PLAC1: variants seen among roughly 807,000 people sequenced by gnomAD.
PLAC1 encodes the protein placenta-specific protein 1.
For synonymous variants in PLAC1, 68 were observed against 62.1 expected, an observed-to-expected ratio of 1.09 and a Z score of -0.44; for missense variants, 136 against 163.2, an observed-to-expected ratio of 0.83 and a Z score of 0.91.
chrX:134,657,536 A>T (rs948620752), intron 1 of PLAC1, among the ~76,000 whole-genome samples: 5 of 112,394 alleles, frequency 4.4e-5, no homozygotes, highest in Non-Finnish European at 9.4e-5. Context: ...AGTAACAGTG[A>T]TCAGTATATT....
chrX:134,693,044 C>G (rs769723573), intron 2 of PLAC1, among the ~76,000 whole-genome samples: 3 of 112,023 alleles, frequency 2.7e-5, no homozygotes, highest in South Asian at 7.5e-4. Context: ...TCAAACAATT[C>G]TTCACTGCTT....
At chrX:134,620,674 C>T (rs1174894296) in intron 1 of PLAC1, among the ~76,000 whole-genome samples, 1 of 111,870 alleles carries the variant, frequency 8.9e-6, no homozygotes, top group East Asian at 2.8e-4. Context: ...CCTTACCCTG[C>T]CTATCTCACA....
At chrX:134,712,299 T>C (rs1181158236) in intron 2 of PLAC1, among the ~76,000 whole-genome samples, 3 of 111,319 alleles carry the variant, frequency 2.7e-5, no homozygotes, top group Non-Finnish European at 5.7e-5. Flanking sequence ...AAATAGCATA[T>C]CAAATCCATT....
chrX:134,604,999 C>T (rs887256978), intron 1 of PLAC1, among the ~76,000 whole-genome samples: 4 of 111,290 alleles, frequency 3.6e-5, no homozygotes, highest in Non-Finnish European at 5.7e-5. Flanking sequence ...CCTGCACCCC[C>T]CATTGGTGCT....
chrX:134,648,392 A>G (rs758952224), intron 1 of PLAC1, among the ~76,000 whole-genome samples: 7 of 112,484 alleles, frequency 6.2e-5, no homozygotes, highest in African/African-American at 2.3e-4. Flanking sequence ...TTTTAAAAAA[A>G]CATTTAAAAA....
intron 1 of PLAC1, among the ~76,000 whole-genome samples, chrX:134,632,122 C>T (rs183843827): frequency 7.2e-5 from 8 of 111,782 alleles, no homozygotes; most frequent in Admixed American, 1.9e-4. Context: ...GACAGCCAAA[C>T]GGTGGTTCAT....
intron 2 of PLAC1, among the ~76,000 whole-genome samples, chrX:134,586,193 T>A (rs756808556): frequency 2.7e-5 from 3 of 111,453 alleles, no homozygotes; most frequent in Admixed American, 9.5e-5. Flanking sequence ...ACAACTGGCA[T>A]TTTCCTGCCC....
chrX:134,589,548 G>A (rs2078024068), intron 2 of PLAC1, among the ~76,000 whole-genome samples: 1 of 109,808 alleles, frequency 9.1e-6, no homozygotes, highest in Non-Finnish European at 1.9e-5. Flanking sequence ...CCAACATGGT[G>A]AAACCCCATC....
intron 1 of PLAC1, among the ~76,000 whole-genome samples, chrX:134,620,189 A>G (rs2078204155): frequency 8.9e-6 from 1 of 112,618 alleles, no homozygotes; most frequent in Admixed American, 9.3e-5. Flanking sequence ...GGGACAAACT[A>G]AGTAGATACT....
At chrX:134,734,937 G>T (rs1038410924) in intron 1 of PLAC1, among the ~76,000 whole-genome samples, 1 of 111,058 alleles carries the variant, frequency 9.0e-6, no homozygotes. Context: ...AGACTCAGAT[G>T]GGGGGTGGTG....
At chrX:134,619,277 CAT>C (rs1441621909) in intron 1 of PLAC1, among the ~76,000 whole-genome samples, 2 of 112,317 alleles carry the variant, frequency 1.8e-5, no homozygotes, top group Non-Finnish European at 3.8e-5. Context: ...CAATTCTGCA[CAT>C]AGTTTCAGAA....
At chrX:134,742,982 G>T (rs2078720683) in intron 1 of PLAC1, among the ~76,000 whole-genome samples, 1 of 112,157 alleles carries the variant, frequency 8.9e-6, no homozygotes, top group African/African-American at 3.2e-5. Context: ...AAATAAAAAT[G>T]AAGACAGAAG....
chrX:134,735,437 A>AG (rs1323371968), intron 1 of PLAC1, among the ~76,000 whole-genome samples: 2 of 111,519 alleles, frequency 1.8e-5, no homozygotes, highest in Admixed American at 1.9e-4. Flanking sequence ...GTTAAAAAAA[A>AG]AAAGAAAGAA....
chrX:134,615,649 T>C (rs779672512), intron 1 of PLAC1, among the ~76,000 whole-genome samples: 1 of 112,256 alleles, frequency 8.9e-6, no homozygotes, highest in Admixed American at 9.5e-5. Flanking sequence ...ATCTGAAATA[T>C]CATTGCCAAA....
chrX:134,695,458 G>A (rs1472966025), intron 2 of PLAC1, among the ~76,000 whole-genome samples: 1 of 112,143 alleles, frequency 8.9e-6, no homozygotes, highest in East Asian at 2.8e-4. Flanking sequence ...GGAAATGGAG[G>A]AAGTGATTGT....
rs768486462 is a variant in PLAC1, at chrX:134,608,317, T to C, written c.-130-6195A>G. Among the ~76,000 whole-genome samples the C allele has an allele frequency of 8.9e-4, 100 of 112,219 alleles. 2 individuals are homozygous for C. Among genetic ancestry groups the C allele is most frequent in the Non-Finnish European group, 3.4e-4 (18 of 53,269 alleles). On this transcript the variant is annotated intron_variant, in intron 1 of 2. Transcript: ENST00000359237. ...TGATGAACGGACAAGCAAAATGTAG[T>C]CTATCAGTACAATGGAATATTATTC... is the stretch of plus-strand genomic sequence containing the variant.
intron 2 of PLAC1, among the ~76,000 whole-genome samples, chrX:134,728,663 C>T (rs144133663): frequency 3.6e-5 from 4 of 111,800 alleles, no homozygotes; most frequent in African/African-American, 9.7e-5. Flanking sequence ...GCTGAAATGA[C>T]GGGACACCAG....
intron 1 of PLAC1, among the ~76,000 whole-genome samples, chrX:134,648,044 T>C (rs756770196): frequency 8.1e-5 from 9 of 111,664 alleles, no homozygotes; most frequent in Admixed American, 1.9e-4. Flanking sequence ...TGAGTACAGA[T>C]AGCACCCCAC....
intron 1 of PLAC1, among the ~76,000 whole-genome samples, chrX:134,750,163 A>G (rs2078737637): frequency 8.9e-6 from 1 of 112,114 alleles, no homozygotes; most frequent in Non-Finnish European, 1.9e-5. Context: ...CCTAAATTGC[A>G]TAATATCCTT....
Sources: gnomAD v4.1 joint callset for allele counts (sites outside exome capture counted in the v4.1 genomes callset) on GRCh38, gnomAD v4.1.1 for gene constraint, MANE v1.5 for transcripts, NCBI Gene and HGNC (gene_info 2026-07-23, HGNC 2026-07-21) for gene names.